FBXL12: variants seen among roughly 807,000 people sequenced by gnomAD.
FBXL12 encodes the protein F-box and leucine rich repeat protein 12.
Under a neutral mutation model 24.9 loss-of-function variants are expected in FBXL12, and 22 were observed. The observed-to-expected ratio is 0.88, with a 90% CI of 0.63 to 1.26. The LOEUF (loss-of-function observed/expected upper bound fraction) is 1.26, where lower values mean the gene tolerates loss of function less well. Among genes scored for constraint, FBXL12 ranks in the 50% most tolerant of loss-of-function variants. FBXL12 has a pLI of 0.00. For synonymous variants in FBXL12, 193 were observed against 193.8 expected (o/e 1.00, Z 0.03); for missense variants, 384 against 434.1 (o/e 0.88, Z 1.03).
chr19:9,815,160 A>G (rs925929095), intron 2 of FBXL12, among the ~76,000 whole-genome samples: 1 of 152,212 alleles, frequency 6.6e-6, no homozygotes. Flanking sequence ...GCCATTCCAA[A>G]TGGGAGAAAT....
chr19:9,815,444 G>T (rs1396154032), intron 2 of FBXL12, among the ~76,000 whole-genome samples: 5 of 152,286 alleles, frequency 3.3e-5, no homozygotes, highest in South Asian at 4.1e-4. Flanking sequence ...CCATTCTGGA[G>T]TCTGGAGAAC....
rs779969408 is a variant in FBXL12 at position 9,811,726 on chromosome 19, G to A, written c.160-9C>T. ...ATGACTTTAGGTCGCATCTGTAAGA[G>A]CCAGAGATTGGGGTGACAGAGTGAG... On this transcript the variant is annotated splice_polypyrimidine_tract_variant and intron_variant, in intron 2 of 2. Transcript: ENST00000247977. This position sits in a 1 kb window ranked among gnomAD's most constrained non-coding sequence, Gnocchi z 6.0. 6.6e-7 allele frequency: 1 copy of A among 1,507,532 alleles called. No homozygotes were observed. The highest frequency in any genetic ancestry group is 8.9e-7 in the Non-Finnish European group (1 of 1,127,944). The allele number at this position is 1,507,532 out of a possible 1,614,324, so 93.4% of individuals were successfully genotyped here.
In FBXL12 at chr19:9,811,241, G is replaced by A. The variant is rs1213070920; in HGVS notation, c.636C>T (p.Cys212=). ...GCAGGGTGCTGTCGGCAGACAGGGT[G>A]CAGCCCAGCACCTCAAGCCTCTGCA... ...SYLQRLEVLG[C]TLSADSTLLA... The change falls in exon 3 of 3, where the codon TGC becomes TGT. Residue 212 remains cysteine (C), a synonymous_variant. Transcript: ENST00000247977. This position sits in a 1 kb window ranked among gnomAD's most constrained non-coding sequence, Gnocchi z 6.0. The A allele has an allele frequency of 6.2e-7, 1 of 1,612,566 alleles. No homozygotes were observed. Among genetic ancestry groups the A allele is most frequent in the Non-Finnish European group, 8.5e-7 (1 of 1,179,998 alleles).
Position 9,810,292 on chromosome 19 carries a change from T to C in FBXL12, c.*604A>G, listed in dbSNP as rs1227757681. On this transcript the variant is annotated 3_prime_UTR_variant, in exon 3 of 3. Transcript: ENST00000247977. Reference sequence around the variant, plus strand: ...TTCTCGGGAAAAAAAAATGATTTTTTTCTTTAATAGTAAAATAATATACGT... The same window carrying C: ...TTCTCGGGAAAAAAAAATGATTTTTCTCTTTAATAGTAAAATAATATACGT... 2 of 152,202 alleles carry C rather than the reference T, an allele frequency of 1.3e-5. No homozygotes were observed. Among genetic ancestry groups the C allele is most frequent in the African/African-American group, 4.8e-5 (2 of 41,444 alleles). 9.4% of individuals were successfully genotyped at this position (152,202 alleles called of 1,614,324 possible).
chr19:9,811,748 T>A lies in FBXL12; in HGVS notation c.160-31A>T. The A allele has an allele frequency of 1.3e-6, 2 of 1,495,264 alleles. No homozygotes were observed. The highest frequency in any genetic ancestry group is 8.9e-7 in the Non-Finnish European group (1 of 1,119,654). The allele number at this position is 1,495,264 out of a possible 1,614,324, so 92.6% of individuals were successfully genotyped here. On this transcript the variant is annotated intron_variant, in intron 2 of 2. Transcript: ENST00000247977. The surrounding 1 kb of genome is among the most constrained non-coding windows in gnomAD (Gnocchi z 6.0). ...AGAGCCAGAGATTGGGGTGACAGAG[T>A]GAGAGGTATGGAGCTTCCAAGGCCC...
chr19:9,814,372 T>TG (rs2045832540), intron 2 of FBXL12: 1 of 151,986 alleles, frequency 6.6e-6, no homozygotes, highest in African/African-American at 2.4e-5. Context: ...TAGCCGAGTG[T>TG]GGTGGTGCAT....
intron 2 of FBXL12, chr19:9,818,321 C>T (rs746012070): frequency 1.4e-5 from 8 of 578,722 alleles, no homozygotes; most frequent in Middle Eastern, 4.6e-4. Context: ...CATAATAGCC[C>T]CGTGAGGCAG....
At chr19:9,812,609 A>G (rs2045781031) in intron 2 of FBXL12, among the ~76,000 whole-genome samples, 1 of 151,420 alleles carries the variant, frequency 6.6e-6, no homozygotes, top group African/African-American at 2.4e-5. Flanking sequence ...TTTAGCAATA[A>G]ATTTTTACCG....
rs751671303 is a variant in FBXL12, at chr19:9,818,847, A to G, written c.-34T>C. 6.5e-7 allele frequency: 1 copy of G among 1,537,606 alleles called. No homozygotes were observed. The highest frequency in any genetic ancestry group is 8.8e-7 in the Non-Finnish European group (1 of 1,136,030). On this transcript the variant is annotated 5_prime_UTR_variant, in exon 1 of 3. Transcript: ENST00000247977. ...CGACACGCACTTCCGCTTCCGGTTAAAGAGACCCGAGGGGTCCTGGGGGCG... is the reference window on the plus strand; with the variant it reads ...CGACACGCACTTCCGCTTCCGGTTAGAGAGACCCGAGGGGTCCTGGGGGCG...
chr19:9,818,165 GC>G, intron 2 of FBXL12: 1 of 410,014 alleles, frequency 2.4e-6, no homozygotes, highest in Non-Finnish European at 4.3e-6. Flanking sequence ...TCGCACCACT[GC>G]ACTCCAGCCT....
rs1027911086 is a variant in FBXL12, at chr19:9,818,945, G to T, written c.-132C>A. The T allele has an allele frequency of 4.0e-5, 34 of 850,700 alleles. 2 individuals carry two copies. The highest frequency in any genetic ancestry group is 5.7e-5 in the Non-Finnish European group (31 of 543,904). The allele number at this position is 850,700 out of a possible 1,614,324, so 52.7% of individuals were successfully genotyped here. A position where few individuals can be genotyped will look rare whatever the true frequency, so the allele number is the denominator to read the frequency against. On this transcript the variant is annotated 5_prime_UTR_variant, in exon 1 of 3. Coordinates refer to ENST00000247977, the MANE Select transcript of FBXL12 (RefSeq NM_017703.3). ...GAGAAATTTGACCTTCCTCTCGCTG[G>T]GAAGTGATTCGGTCCCAGGGCCGGA...
chr19:9,819,021 G>C lies in FBXL12; in HGVS notation c.-208C>G, dbSNP rs1199080573. 1.7e-6 allele frequency: 1 copy of C among 597,508 alleles called. No homozygotes were observed. The highest frequency in any genetic ancestry group is 3.0e-5 in the Admixed American group (1 of 32,918). 37.0% of individuals were successfully genotyped at this position (597,508 alleles called of 1,614,324 possible). On this transcript the variant is annotated 5_prime_UTR_variant, in exon 1 of 3. Transcript: ENST00000247977. ...CAGCCTGGAAAGCGTGGCTGAGGCA[G>C]TGAGAGGCTTGCGGGAGGTGGCTGA...
rs1051288699 is a variant in FBXL12 at position 9,818,880 on chromosome 19, G to A, written c.-67C>T. On this transcript the variant is annotated 5_prime_UTR_variant, in exon 1 of 3. Coordinates refer to ENST00000247977, the MANE Select transcript of FBXL12 (RefSeq NM_017703.3). Reference sequence around the variant, plus strand: ...CGAGGGGTCCTGGGGGCGCCGAGGCGGCTGACAGGGCGGCGGCCGCGACCT... The same window carrying A: ...CGAGGGGTCCTGGGGGCGCCGAGGCAGCTGACAGGGCGGCGGCCGCGACCT... 2.1e-6 allele frequency: 3 copies of A among 1,433,936 alleles called. No homozygotes were observed. The highest frequency in any genetic ancestry group is 1.8e-4 in the Middle Eastern group (1 of 5,498). 88.8% of individuals were successfully genotyped at this position (1,433,936 alleles called of 1,614,324 possible).
At chr19:9,814,389 A>G (rs2045832882) in intron 2 of FBXL12, 1 of 152,394 alleles carries the variant, frequency 6.6e-6, no homozygotes, top group East Asian at 1.9e-4. Context: ...GCATGCCTGT[A>G]GTCCCAGCTA....
Position 9,811,386 on chromosome 19 carries a change from A to G in FBXL12, c.491T>C (p.Phe164Ser). ...CAGGCCCTGCAGGTGCTCGTCACGGAAGGCGGGGACGCGGTCCAGCACGAT... is the reference window on the plus strand; with the variant it reads ...CAGGCCCTGCAGGTGCTCGTCACGGGAGGCGGGGACGCGGTCCAGCACGAT... ...ECIVLDRVPA[F>S]RDEHLQGLTR... is the part of the protein sequence containing the mutation. Residue 164 changes from phenylalanine (F) to serine (S), a missense_variant, in exon 3 of 3, where the codon TTC becomes TCC. Phe to Ser is a radical substitution (Grantham distance 155). Coordinates refer to ENST00000247977, the MANE Select transcript of FBXL12 (RefSeq NM_017703.3). This position sits in a 1 kb window ranked among gnomAD's most constrained non-coding sequence, Gnocchi z 6.0. 1 of 1,612,766 alleles carries G rather than the reference A, an allele frequency of 6.2e-7. No homozygotes were observed. Among genetic ancestry groups the G allele is most frequent in the South Asian group, 1.1e-5 (1 of 91,080 alleles).
At chr19:9,818,411 G>A (rs1323853820) in intron 2 of FBXL12, 134 bp downstream of exon 2, 1 of 923,266 alleles carries the variant, frequency 1.1e-6, no homozygotes, top group African/African-American at 1.7e-5. Context: ...CGATGATGCC[G>A]AGATAGGCCC....
chr19:9,811,185 C>G lies in FBXL12; in HGVS notation c.692G>C (p.Arg231Pro). Residue 231 changes from arginine to proline, a missense_variant, in exon 3 of 3, where the codon CGC (arginine) becomes CCC (proline). Coordinates refer to ENST00000247977, the MANE Select transcript of FBXL12 (RefSeq NM_017703.3). This position sits in a 1 kb window ranked among gnomAD's most constrained non-coding sequence, Gnocchi z 6.0. ...LAISRHLRDVRKIRLTVRGLS... is the reference protein window; with the variant it reads ...LAISRHLRDVPKIRLTVRGLS... Reference sequence around the variant, plus strand: ...GCCCCTCACGGTCAGCCGGATCTTGCGCACATCTCGGAGGTGGCGGCTGAT... The same window carrying G: ...GCCCCTCACGGTCAGCCGGATCTTGGGCACATCTCGGAGGTGGCGGCTGAT... 1 of 1,611,800 alleles carries G rather than the reference C, an allele frequency of 6.2e-7. No homozygotes were observed. The highest frequency in any genetic ancestry group is 1.1e-5 in the South Asian group (1 of 90,990).
chr19:9,818,677 G>C lies in FBXL12; in HGVS notation c.86+51C>G, dbSNP rs533316542. 1.3e-5 allele frequency: 20 copies of C among 1,544,256 alleles called. No individual in the cohort carries two copies. The Admixed American group carries it at 2.8e-4, about 21-fold the overall frequency. On this transcript the variant is annotated intron_variant, in intron 1 of 2. Transcript: ENST00000247977. ...GCCCCGGGCCACATCGCATCTCCAG[G>C]TGCCAGCTGCGCCCTCCGCCCTGCC...
rs764154539 is a variant in FBXL12 at position 9,811,129 on chromosome 19, C to T, written c.748G>A (p.Gly250Arg). ...CACAGACTCTCCAGGGCCGGCATTC[C>T]CTCCAGCACAGCCAGGCCAGGGGCA... The part of the protein sequence containing the change: ...LSAPGLAVLE[G>R]MPALESLCLQ... Residue 250 changes from glycine to arginine, a missense_variant, in exon 3 of 3, where the codon GGA becomes AGA. Physicochemically the swap from Gly to Arg is moderately radical, Grantham distance 125 (BLOSUM62 -2). Transcript: ENST00000247977. The surrounding 1 kb of genome is among the most constrained non-coding windows in gnomAD (Gnocchi z 6.0). 1.2e-6 allele frequency: 2 copies of T among 1,604,134 alleles called. No individual in the cohort carries two copies. The highest frequency in any genetic ancestry group is 4.5e-5 in the East Asian group (2 of 44,564).
Sources: gnomAD v4.1 joint callset for allele counts (sites outside exome capture counted in the v4.1 genomes callset) on GRCh38, gnomAD v4.1.1 for gene constraint, Gnocchi (gnomAD v3.1) non-coding constraint, MANE v1.5 for transcripts, NCBI Gene and HGNC (gene_info 2026-07-23, HGNC 2026-07-21) for gene names.